MYCT1: variants seen among roughly 807,000 people sequenced by gnomAD.
MYCT1 encodes myc target protein 1.
A neutral mutation model predicts 15.0 loss-of-function variants in MYCT1; 12 were observed. That is an observed-to-expected ratio of 0.80 (90% CI 0.51 to 1.29). The LOEUF (loss-of-function observed/expected upper bound fraction) is 1.29. Ranked by LOEUF, MYCT1 falls within the 50% of genes most tolerant of loss-of-function variation. MYCT1 has a pLI of 0.00. For synonymous variants in MYCT1, 104 were observed against 102.7 expected (o/e 1.01, Z -0.07); for missense variants, 287 against 279.1 (o/e 1.03, Z -0.20).
At chr6:152,714,987 C>A (rs922228501) in intron 1 of MYCT1, among the ~76,000 whole-genome samples, 1 of 151,818 alleles carries the variant, frequency 6.6e-6, no homozygotes, top group Non-Finnish European at 1.5e-5. Flanking sequence ...GGAGTAGATC[C>A]TAGGGGGCCT....
chr6:152,700,198 T>A (rs1265373636), intron 1 of MYCT1, among the ~76,000 whole-genome samples: 1 of 152,208 alleles, frequency 6.6e-6, no homozygotes, highest in Non-Finnish European at 1.5e-5. Flanking sequence ...TTTGTGTATC[T>A]AAATTGATGT....
intron 1 of MYCT1, among the ~76,000 whole-genome samples, chr6:152,702,637 T>TC (rs1248170879): frequency 6.6e-6 from 1 of 152,072 alleles, no homozygotes; most frequent in Non-Finnish European, 1.5e-5. Context: ...CATAGGATGT[T>TC]CCCCAAGAAG....
intron 1 of MYCT1, among the ~76,000 whole-genome samples, chr6:152,706,975 A>T (rs1388717226): frequency 6.6e-6 from 1 of 152,034 alleles, no homozygotes; most frequent in African/African-American, 2.4e-5. Context: ...TGAACATGGA[A>T]GTGCAGATAT....
the MYCT1 span, among the ~76,000 whole-genome samples, chr6:152,746,239 T>C: frequency 3.3e-5 from 5 of 152,246 alleles, no homozygotes; most frequent in South Asian, 2.1e-4. Context: ...TTGCATGGAA[T>C]GTGTACAGTC....
intron 1 of MYCT1, among the ~76,000 whole-genome samples, chr6:152,713,370 T>G (rs560710797): frequency 7.2e-5 from 11 of 152,280 alleles, no homozygotes; most frequent in African/African-American, 2.6e-4. Context: ...GCTAATTATG[T>G]CTGGATCATC....
At chr6:152,705,478 C>T (rs1311568302) in intron 1 of MYCT1, among the ~76,000 whole-genome samples, 1 of 151,868 alleles carries the variant, frequency 6.6e-6, no homozygotes, top group South Asian at 2.1e-4. Flanking sequence ...TCCTTCTGTG[C>T]CTGGTTTATT....
rs764673316 is a variant in MYCT1 at position 152,698,021 on chromosome 6, T to C, written c.119T>C (p.Leu40Pro). The C allele has an allele frequency of 1.1e-5, 17 of 1,611,242 alleles. No homozygotes were observed. The Middle Eastern group carries it at 5.0e-4, about 47-fold the overall frequency. The change falls in exon 1 of 2, where the codon CTC (leucine) becomes CCC (proline). Residue 40 changes from leucine (L) to proline (P), a missense_variant. Physicochemically the swap from Leu to Pro is moderately conservative, Grantham distance 98. Transcript: ENST00000367245. ...DILVFLSVFL[L>P]FLLFLVDIMA... ...CTGGTTTTTCTTTCTGTTTTTCTTC[T>C]CTTTCTTCTATTTCTTGTGGATATT...
downstream of MYCT1, among the ~76,000 whole-genome samples, chr6:152,728,490 G>A (rs1323179371): frequency 6.6e-6 from 1 of 152,028 alleles, no homozygotes; most frequent in Admixed American, 6.5e-5. Flanking sequence ...AAAAATCGTT[G>A]TAAGAAAGAA....
intron 1 of MYCT1, among the ~76,000 whole-genome samples, chr6:152,703,883 G>A (rs2099721748): frequency 6.6e-6 from 1 of 151,602 alleles, no homozygotes; most frequent in South Asian, 2.1e-4. Flanking sequence ...TTGAGGGATT[G>A]TTTTCATATT....
At chr6:152,721,223 C>T (rs901301786) in intron 1 of MYCT1, among the ~76,000 whole-genome samples, 18 of 152,164 alleles carry the variant, frequency 1.2e-4, no homozygotes, top group African/African-American at 4.3e-4. Context: ...TATCCCAGCA[C>T]TTCCTGTCTC....
chr6:152,729,269 C>T (rs2099726162), downstream of MYCT1, among the ~76,000 whole-genome samples: 1 of 151,958 alleles, frequency 6.6e-6, no homozygotes, highest in South Asian at 2.1e-4. Context: ...AATATTATTA[C>T]TAGGATTGTT....
chr6:152,705,408 C>T (rs1160163950), intron 1 of MYCT1, among the ~76,000 whole-genome samples: 2 of 152,116 alleles, frequency 1.3e-5, no homozygotes, highest in Non-Finnish European at 2.9e-5. Context: ...TTTGCACCAT[C>T]GTAGCCAAAA....
the MYCT1 span, among the ~76,000 whole-genome samples, chr6:152,745,051 T>A: frequency 6.6e-6 from 1 of 152,098 alleles, no homozygotes; most frequent in South Asian, 2.1e-4. Flanking sequence ...GAGGGAGACA[T>A]GTGGCCTCCA....
downstream of MYCT1, among the ~76,000 whole-genome samples, chr6:152,726,388 ACT>A (rs1324974404): frequency 7.6e-6 from 1 of 131,994 alleles, no homozygotes; most frequent in Non-Finnish European, 1.7e-5. Context: ...GAAGAACAAA[ACT>A]CTGTCTAAAA....
chr6:152,713,908 T>G (rs1178620187), intron 1 of MYCT1, among the ~76,000 whole-genome samples: 4 of 152,168 alleles, frequency 2.6e-5, no homozygotes, highest in African/African-American at 9.7e-5. Context: ...AAACTGGAGC[T>G]TGACTAGTAC....
At chr6:152,745,639 A>T in the MYCT1 span, among the ~76,000 whole-genome samples, 2 of 152,066 alleles carry the variant, frequency 1.3e-5, no homozygotes, top group Non-Finnish European at 2.9e-5. Flanking sequence ...AGCAATGTGA[A>T]ATCTGGGAGG....
At chr6:152,714,909 A>C (rs2099723375) in intron 1 of MYCT1, among the ~76,000 whole-genome samples, 1 of 152,078 alleles carries the variant, frequency 6.6e-6, no homozygotes, top group African/African-American at 2.4e-5. Flanking sequence ...CCTCAGTCCA[A>C]CTTGGGATTG....
the MYCT1 span, among the ~76,000 whole-genome samples, chr6:152,738,749 C>T: frequency 3.3e-5 from 5 of 151,992 alleles, no homozygotes; most frequent in Non-Finnish European, 5.9e-5. Context: ...CATTTAGCTA[C>T]CATTTGTTGA....
chr6:152,735,643 A>G, the MYCT1 span, among the ~76,000 whole-genome samples: 1 of 152,186 alleles, frequency 6.6e-6, no homozygotes, highest in Non-Finnish European at 1.5e-5. Flanking sequence ...GAGATTTTGC[A>G]ATCACCAATG....
Sources: allele counts gnomAD v4.1 joint callset (sites outside exome capture counted in the v4.1 genomes callset), GRCh38; gene constraint gnomAD v4.1.1; transcripts MANE v1.5; gene names NCBI Gene and HGNC (gene_info 2026-07-23, HGNC 2026-07-21).